Variants in GABBR2 observed in about 807,000 individuals in gnomAD.
GABBR2 encodes the protein G-protein coupled receptor 51.
GABBR2 carries 23 observed loss-of-function variants against 105.6 expected under a neutral mutation model. That is an observed-to-expected ratio of 0.22 (90% CI 0.16 to 0.31). The LOEUF (loss-of-function observed/expected upper bound fraction) is 0.31. Among genes scored for constraint, GABBR2 ranks in the 10% least tolerant of loss-of-function variants. The pLI, the probability that GABBR2 is intolerant of heterozygous loss-of-function variation, is 1.00. For missense variants in GABBR2, 734 were observed against 1,245.5 expected, an observed-to-expected ratio of 0.59 and a Z score of 6.18; for synonymous variants, 478 against 499.7, an observed-to-expected ratio of 0.96 and a Z score of 0.58.
chr9:98,389,589 G>A (rs1036135703), intron 9 of GABBR2, among the ~76,000 whole-genome samples: 1 of 152,220 alleles, frequency 6.6e-6, no homozygotes, highest in African/African-American at 2.4e-5. Flanking sequence ...GGAGGCAGAA[G>A]CTACCTTCCT....
At chr9:98,318,033 G>A (rs1196736332) in intron 13 of GABBR2, among the ~76,000 whole-genome samples, 2 of 152,198 alleles carry the variant, frequency 1.3e-5, no homozygotes, top group Non-Finnish European at 2.9e-5. Flanking sequence ...GAGCACGCAT[G>A]GCAGAAGGCA....
intron 13 of GABBR2, 89 bp downstream of exon 13, chr9:98,362,626 G>A (rs1831606002): frequency 2.8e-6 from 3 of 1,056,726 alleles, no homozygotes; most frequent in Admixed American, 6.1e-5. Context: ...GTGGGGTACT[G>A]GGCAGTCTGG....
chr9:98,431,936 C>CG lies in GABBR2; in HGVS notation c.1236+22044_1236+22045insC, dbSNP rs1315285226. Reference sequence around the variant, plus strand: ...TTTGAGATGGAGTCTCGTTCTGCTGCCCAGGCTGGTGTGTAGTGGTGTGAT... The same window carrying CG: ...TTTGAGATGGAGTCTCGTTCTGCTGCGCCAGGCTGGTGTGTAGTGGTGTGAT... On this transcript the variant is annotated intron_variant, in intron 7 of 18. Coordinates refer to ENST00000259455, the MANE Select transcript of GABBR2 (RefSeq NM_005458.8). Among the ~76,000 whole-genome samples, 8 of 152,174 alleles carry CG rather than the reference C, an allele frequency of 5.3e-5. No homozygotes were observed. The East Asian group carries it at 1.5e-3, about 29-fold the overall frequency.
intron 13 of GABBR2, among the ~76,000 whole-genome samples, chr9:98,338,739 G>A (rs1831157633): frequency 6.6e-6 from 1 of 152,160 alleles, no homozygotes; most frequent in African/African-American, 2.4e-5. Context: ...GTTAACATGA[G>A]TTAACATGGT....
At chr9:98,438,878 G>A (rs1007444118) in intron 7 of GABBR2, among the ~76,000 whole-genome samples, 1 of 152,096 alleles carries the variant, frequency 6.6e-6, no homozygotes. Flanking sequence ...GCTGCTGCTG[G>A]TGGATCCCTC....
intron 1 of GABBR2, among the ~76,000 whole-genome samples, chr9:98,706,594 C>T (rs560603533): frequency 6.6e-6 from 1 of 152,316 alleles, no homozygotes; most frequent in South Asian, 2.1e-4. Context: ...AACCCACACC[C>T]TGAAACGAAG....
Position 98,288,566 on chromosome 9 carries a change from G to A in GABBR2, c.*2018C>T, listed in dbSNP as rs1296356040. ...TTTTTTGTGTGTGTGTATACATTATGTACAATTAATTGTCTCTTTCCCTTT... is the reference window on the plus strand; with the variant it reads ...TTTTTTGTGTGTGTGTATACATTATATACAATTAATTGTCTCTTTCCCTTT... On this transcript the variant is annotated 3_prime_UTR_variant, in exon 19 of 19. Coordinates refer to ENST00000259455, the MANE Select transcript of GABBR2 (RefSeq NM_005458.8). 1 of 152,232 alleles carries A rather than the reference G, an allele frequency of 6.6e-6. No individual in the cohort carries two copies. Among genetic ancestry groups the A allele is most frequent in the Non-Finnish European group, 1.5e-5 (1 of 67,984 alleles). 9.4% of individuals were successfully genotyped at this position (152,232 alleles called of 1,614,324 possible).
chr9:98,292,852 C>T (rs534076074), intron 18 of GABBR2, among the ~76,000 whole-genome samples: 2 of 152,282 alleles, frequency 1.3e-5, no homozygotes, highest in East Asian at 1.9e-4. Flanking sequence ...AACCTGTGTT[C>T]GGTGCAGGGG....
intron 17 of GABBR2, among the ~76,000 whole-genome samples, chr9:98,296,600 G>T (rs1011031361): frequency 6.6e-6 from 1 of 152,166 alleles, no homozygotes; most frequent in Non-Finnish European, 1.5e-5. Flanking sequence ...GTATCTCATT[G>T]CAGATTTAAT....
chr9:98,566,798 CAAAAAAAA>C (rs55752458), intron 2 of GABBR2, among the ~76,000 whole-genome samples: 3 of 88,202 alleles, frequency 3.4e-5, no homozygotes, highest in Admixed American at 1.3e-4. Context: ...AAGACACTGT[CAAAAAAAA>C]AAAAAAAAAA....
chr9:98,339,608 A>G (rs1318752890), intron 13 of GABBR2, among the ~76,000 whole-genome samples: 1 of 152,226 alleles, frequency 6.6e-6, no homozygotes, highest in Non-Finnish European at 1.5e-5. Flanking sequence ...ATTTGGCAAT[A>G]GCGTCTGCAG....
intron 8 of GABBR2, among the ~76,000 whole-genome samples, chr9:98,397,758 C>T (rs934657293): frequency 2.6e-5 from 4 of 152,190 alleles, no homozygotes; most frequent in Admixed American, 2.0e-4. Context: ...CCTCCCCTCC[C>T]GGTGTCCTAG....
At chr9:98,582,208 A>G (rs576914541) in intron 1 of GABBR2, among the ~76,000 whole-genome samples, 1 of 152,368 alleles carries the variant, frequency 6.6e-6, no homozygotes, top group African/African-American at 2.4e-5. Context: ...GTGTAGTCAC[A>G]TAAGTCCTTA....
intron 2 of GABBR2, among the ~76,000 whole-genome samples, chr9:98,562,848 T>C (rs945401353): frequency 1.3e-5 from 2 of 151,790 alleles, no homozygotes; most frequent in Non-Finnish European, 2.9e-5. Context: ...GGTGAGAGGA[T>C]CACTTGAGGT....
intron 1 of GABBR2, among the ~76,000 whole-genome samples, chr9:98,690,653 G>T (rs1418713873): frequency 2.6e-5 from 4 of 152,172 alleles, no homozygotes; most frequent in African/African-American, 9.7e-5. Context: ...AAGAGGGGCT[G>T]ATTAATCCCT....
intron 7 of GABBR2, among the ~76,000 whole-genome samples, chr9:98,442,191 C>CTCT (rs1826044509): frequency 1.3e-5 from 2 of 152,268 alleles, no homozygotes; most frequent in Admixed American, 1.3e-4. Flanking sequence ...TATAAAGAGT[C>CTCT]TCTTCCAGTG....
At chr9:98,467,821 G>A (rs1826591915) in intron 6 of GABBR2, among the ~76,000 whole-genome samples, 1 of 152,242 alleles carries the variant, frequency 6.6e-6, no homozygotes. Flanking sequence ...TGGGGCCTTG[G>A]CCCAGCACTG....
intron 9 of GABBR2, 109 bp from the exon 10 acceptor site, chr9:98,389,113 C>T (rs575366858): frequency 3.4e-6 from 3 of 882,202 alleles, no homozygotes; most frequent in East Asian, 4.9e-5. Flanking sequence ...ACAAACTCTA[C>T]ACAAGGCACA....
chr9:98,372,542 T>C (rs969142700), intron 11 of GABBR2, among the ~76,000 whole-genome samples: 6 of 152,170 alleles, frequency 3.9e-5, no homozygotes, highest in African/African-American at 1.4e-4. Context: ...AGGCAGAAAG[T>C]TGGATGTGGT....
Sources: allele counts gnomAD v4.1 joint callset (sites outside exome capture counted in the v4.1 genomes callset), GRCh38; gene constraint gnomAD v4.1.1; transcripts MANE v1.5; gene names NCBI Gene and HGNC (gene_info 2026-07-23, HGNC 2026-07-21).